Variants in DESI2 observed in about 807,000 individuals in gnomAD.
The protein encoded by DESI2 is desumoylating isopeptidase 2, also known as deubiquitinase DESI2.
DESI2 carries 10 observed loss-of-function variants against 24.1 expected under a neutral mutation model. The observed-to-expected ratio is 0.41, with a 90% confidence interval of 0.26 to 0.70. The LOEUF (loss-of-function observed/expected upper bound fraction) is 0.70, where lower values mean the gene tolerates loss of function less well. DESI2 is among the 30% of genes least tolerant of loss of function. The pLI, the probability that DESI2 is intolerant of heterozygous loss-of-function variation, is 0.29. For missense variants in DESI2, 122 were observed against 234.9 expected (o/e 0.52, Z 3.14); for synonymous variants, 71 against 87.7 (o/e 0.81, Z 1.06).
rs565614970 is a variant in DESI2 at position 244,663,183 on chromosome 1, T to G, written c.42+9828T>G. 1.8e-3 allele frequency among the ~76,000 whole-genome samples: 260 copies of G among 145,046 alleles called. 1 individual carries two copies. The highest frequency in any genetic ancestry group is 3.5e-3 in the Middle Eastern group (1 of 286). The stretch of plus-strand genomic sequence containing the variant: ...AACCAAAGCCTGGTTTAACTTGCAG[T>G]TTTTTTTTTTCCTTTTTTTTGACAT... On this transcript the variant is annotated intron_variant, in intron 1 of 4. Coordinates refer to ENST00000302550, the MANE Select transcript of DESI2 (RefSeq NM_016076.5).
intron 1 of DESI2, among the ~76,000 whole-genome samples, chr1:244,656,802 TCTCA>T (rs1675661416): frequency 2.0e-5 from 3 of 152,234 alleles, no homozygotes; most frequent in African/African-American, 4.8e-5. Context: ...TTATTTGTTT[TCTCA>T]CTCTGTCACC....
At chr1:244,669,453 C>T (rs10927296) in intron 1 of DESI2, among the ~76,000 whole-genome samples, 140,379 of 152,046 alleles carry the variant, frequency 0.92, 64,957 homozygotes, top group East Asian at 1. Context: ...CCGAGGTGGG[C>T]GGATCACCTG....
rs990270489 is a variant in DESI2, at chr1:244,704,893, C to T, written c.352-663C>T. 7.9e-5 allele frequency among the ~76,000 whole-genome samples: 12 copies of T among 152,248 alleles called. 1 individual carries two copies. Among genetic ancestry groups the T allele is most frequent in the African/African-American group, 2.2e-4 (9 of 41,544 alleles). On this transcript the variant is annotated intron_variant, in intron 4 of 4. Coordinates refer to ENST00000302550, the MANE Select transcript of DESI2 (RefSeq NM_016076.5). ...CAGGCTGGTCTCGAACTCCTGACCT[C>T]GTAATTCACCGGCCTCAGCCTCCCA...
At chr1:244,703,975 T>C (rs974986797) in intron 4 of DESI2, among the ~76,000 whole-genome samples, 1 of 152,158 alleles carries the variant, frequency 6.6e-6, no homozygotes, top group African/African-American at 2.4e-5. Context: ...TTTTTAAGTG[T>C]CTACCTCTCT....
At chr1:244,702,020 C>T (rs1677484514) in intron 4 of DESI2, among the ~76,000 whole-genome samples, 1 of 152,182 alleles carries the variant, frequency 6.6e-6, no homozygotes, top group South Asian at 2.1e-4. Flanking sequence ...TGCAAAATTT[C>T]ATTTTGCTAT....
intron 1 of DESI2, among the ~76,000 whole-genome samples, chr1:244,679,039 CTT>C (rs1676509436): frequency 6.6e-6 from 1 of 151,810 alleles, no homozygotes; most frequent in Admixed American, 6.6e-5. Context: ...CTCTTTTTCT[CTT>C]TTTTTCTTTT....
chr1:244,679,527 T>G (rs1676528583), intron 1 of DESI2, among the ~76,000 whole-genome samples: 1 of 152,168 alleles, frequency 6.6e-6, no homozygotes, highest in Non-Finnish European at 1.5e-5. Flanking sequence ...AGAAAGTAAG[T>G]CACAAACATA....
chr1:244,684,130 G>A (rs1158543355), intron 1 of DESI2, among the ~76,000 whole-genome samples: 1 of 152,016 alleles, frequency 6.6e-6, no homozygotes, highest in East Asian at 1.9e-4. Flanking sequence ...TAATACTGCA[G>A]TTAATAGTCT....
intron 4 of DESI2, among the ~76,000 whole-genome samples, chr1:244,692,589 C>T (rs1677068936): frequency 6.6e-6 from 1 of 152,180 alleles, no homozygotes; most frequent in Non-Finnish European, 1.5e-5. Flanking sequence ...GAAGCAGCTT[C>T]CCAGCTTTCT....
intron 4 of DESI2, among the ~76,000 whole-genome samples, chr1:244,692,831 A>C (rs1336095222): frequency 2.0e-5 from 3 of 152,204 alleles, no homozygotes; most frequent in African/African-American, 7.2e-5. Flanking sequence ...AGCATCTCCT[A>C]GTAATTTGTG....
chr1:244,689,387 A>G lies in DESI2; in HGVS notation c.209+45A>G, dbSNP rs751426141. The stretch of plus-strand genomic sequence containing the variant: ...TTTATTACACTGTCTTAGGTGCCAT[A>G]GCTTGTTTTCAGGTATACAGAATTC... On this transcript the variant is annotated intron_variant, in intron 3 of 4. Transcript: ENST00000302550. This position sits in a 1 kb window ranked among gnomAD's most constrained non-coding sequence, Gnocchi z 4.0. 4 of 926,672 alleles carry G rather than the reference A, an allele frequency of 4.3e-6. No individual in the cohort carries two copies. The highest frequency in any genetic ancestry group is 7.0e-6 in the Non-Finnish European group (4 of 568,912). 57.4% of individuals were successfully genotyped at this position (926,672 alleles called of 1,614,324 possible).
At chr1:244,653,471 T>C in intron 1 of DESI2, 116 bp downstream of exon 1, 2 of 1,097,898 alleles carry the variant, frequency 1.8e-6, no homozygotes, top group Non-Finnish European at 2.6e-6. Flanking sequence ...TCCAGCCTAG[T>C]TCTCGGGGGA....
At chr1:244,663,428 A>G (rs900299142) in intron 1 of DESI2, among the ~76,000 whole-genome samples, 19 of 151,898 alleles carry the variant, frequency 1.3e-4, no homozygotes, top group East Asian at 3.9e-4. Context: ...CGCCCACCTC[A>G]GCCTCCCAAA....
intron 4 of DESI2, among the ~76,000 whole-genome samples, chr1:244,699,511 G>A (rs560923492): frequency 9.8e-5 from 14 of 142,518 alleles, no homozygotes; most frequent in Admixed American, 1.5e-4. Context: ...GAATACAGGA[G>A]GGGGAGGTTG....
At chr1:244,660,615 C>T (rs1250920937) in intron 1 of DESI2, among the ~76,000 whole-genome samples, 1 of 152,084 alleles carries the variant, frequency 6.6e-6, no homozygotes, top group Non-Finnish European at 1.5e-5. Context: ...CCAAAATAAT[C>T]TTAAACTGTA....
intron 1 of DESI2, among the ~76,000 whole-genome samples, chr1:244,676,465 G>A (rs957801039): frequency 4.6e-5 from 7 of 151,964 alleles, no homozygotes; most frequent in African/African-American, 1.7e-4. Flanking sequence ...GATTCCTTAT[G>A]ATTTTCCTGT....
intron 1 of DESI2, among the ~76,000 whole-genome samples, chr1:244,659,487 T>A (rs908106140): frequency 2.6e-4 from 40 of 152,154 alleles, no homozygotes; most frequent in African/African-American, 8.9e-4. Flanking sequence ...AGGTCTGAGG[T>A]CCCATTCCTT....
chr1:244,674,039 G>T (rs1043361236), intron 1 of DESI2, among the ~76,000 whole-genome samples: 1 of 130,980 alleles, frequency 7.6e-6, no homozygotes, highest in African/African-American at 2.9e-5. Context: ...CTGTTGCCCA[G>T]GCTGGAGTAC....
intron 1 of DESI2, among the ~76,000 whole-genome samples, chr1:244,676,795 AATATATATT>A (rs2148795789): frequency 6.8e-6 from 1 of 147,866 alleles, no homozygotes; most frequent in Non-Finnish European, 1.5e-5. Flanking sequence ...TATTGTATAA[AATATATATT>A]ATATATATTT....
Sources: gnomAD v4.1 joint callset for allele counts (sites outside exome capture counted in the v4.1 genomes callset) on GRCh38, gnomAD v4.1.1 for gene constraint, Gnocchi (gnomAD v3.1) non-coding constraint, MANE v1.5 for transcripts, NCBI Gene and HGNC (gene_info 2026-07-23, HGNC 2026-07-21) for gene names.